The following NRXN3 variants were observed in gnomAD, a reference collection of about 807,000 sequenced individuals.
NRXN3 encodes the protein neurexin III.
Under a neutral mutation model 137.6 loss-of-function variants are expected in NRXN3, and 32 were observed. That is an observed-to-expected ratio of 0.23 (90% CI 0.18 to 0.31). The LOEUF is 0.31. NRXN3 is among the 10% of genes least tolerant of loss of function. The pLI, the probability that NRXN3 is intolerant of heterozygous loss-of-function variation, is 1.00. For synonymous variants in NRXN3, 798 were observed against 784.5 expected, an observed-to-expected ratio of 1.02 and a Z score of -0.29; for missense variants, 1,574 against 2,062.5, an observed-to-expected ratio of 0.76 and a Z score of 4.59.
chr14:79,265,366 C>T (rs2078307565), intron 15 of NRXN3, among the ~76,000 whole-genome samples: 1 of 151,622 alleles, frequency 6.6e-6, no homozygotes, highest in Non-Finnish European at 1.5e-5. Context: ...CCCCCAGTGC[C>T]ACATATAGTA....
At chr14:78,725,431 T>C (rs2098478592) in intron 8 of NRXN3, among the ~76,000 whole-genome samples, 1 of 152,260 alleles carries the variant, frequency 6.6e-6, no homozygotes, top group African/African-American at 2.4e-5. Context: ...TCATCATTCC[T>C]GTAGTAGCTC....
At chr14:79,055,187 T>G (rs1391747275) in intron 15 of NRXN3, among the ~76,000 whole-genome samples, 1 of 152,126 alleles carries the variant, frequency 6.6e-6, no homozygotes, top group African/African-American at 2.4e-5. Context: ...TTTTTCACCT[T>G]CTCTCTCAGT....
chr14:78,586,843 A>G (rs1256651689), intron 4 of NRXN3, among the ~76,000 whole-genome samples: 1 of 152,248 alleles, frequency 6.6e-6, no homozygotes, highest in Non-Finnish European at 1.5e-5. Flanking sequence ...TGAGATTACT[A>G]ATGTCAACAC....
chr14:79,451,791 G>A (rs1473271015), intron 15 of NRXN3, among the ~76,000 whole-genome samples: 1 of 152,218 alleles, frequency 6.6e-6, no homozygotes, highest in Non-Finnish European at 1.5e-5. Flanking sequence ...TGGTTTAAGA[G>A]AGATTAAAAG....
At chr14:78,553,584 AT>A (rs1188527016) in intron 4 of NRXN3, among the ~76,000 whole-genome samples, 1 of 152,196 alleles carries the variant, frequency 6.6e-6, no homozygotes, top group East Asian at 1.9e-4. Flanking sequence ...TTATTCATAC[AT>A]GGGACACTTG....
intron 16 of NRXN3, among the ~76,000 whole-genome samples, chr14:79,480,425 T>C (rs1257469273): frequency 6.6e-6 from 1 of 152,092 alleles, no homozygotes; most frequent in African/African-American, 2.4e-5. Context: ...CTAAATACCA[T>C]GAATGCACAA....
intron 4 of NRXN3, among the ~76,000 whole-genome samples, chr14:78,537,214 C>G (rs1011591174): frequency 6.6e-6 from 1 of 152,196 alleles, no homozygotes; most frequent in African/African-American, 2.4e-5. Flanking sequence ...CTAATTTACA[C>G]TCCCACCAAC....
At chr14:79,017,399 T>C (rs1303169728) in intron 15 of NRXN3, among the ~76,000 whole-genome samples, 1 of 151,792 alleles carries the variant, frequency 6.6e-6, no homozygotes, top group Non-Finnish European at 1.5e-5. Context: ...CCCTCCCTCA[T>C]AGTTTTTCAT....
In NRXN3 at chr14:79,002,907, A is replaced by C. The variant is rs2099544695; in HGVS notation, c.3262+14766A>C. 2.0e-5 allele frequency among the ~76,000 whole-genome samples: 3 copies of C among 152,166 alleles called. No homozygotes were observed. The South Asian group carries it at 6.2e-4, about 32-fold the overall frequency. ...GTGTTTTGATAAGTCCGTATAATTT[A>C]ATTAGAAACCTAAGTAGGTTTTGGA... On this transcript the variant is annotated intron_variant, in intron 15 of 20. Transcript: ENST00000335750.
intron 4 of NRXN3, among the ~76,000 whole-genome samples, chr14:78,487,920 C>T (rs778744179): frequency 6.6e-6 from 1 of 151,756 alleles, no homozygotes; most frequent in East Asian, 2.0e-4. Context: ...CCCTATTTTT[C>T]ACAGGGTGTA....
At chr14:78,728,683 G>T (rs1165414060) in intron 8 of NRXN3, among the ~76,000 whole-genome samples, 1 of 152,034 alleles carries the variant, frequency 6.6e-6, no homozygotes, top group Admixed American at 6.6e-5. Flanking sequence ...GGATCACGAG[G>T]TCATGAGTTC....
intron 4 of NRXN3, among the ~76,000 whole-genome samples, chr14:78,576,907 G>C (rs977627326): frequency 1.3e-5 from 2 of 152,140 alleles, no homozygotes; most frequent in Non-Finnish European, 2.9e-5. Flanking sequence ...AATGGTATAA[G>C]ACTTCCTGGC....
intron 15 of NRXN3, among the ~76,000 whole-genome samples, chr14:79,021,952 A>C (rs978992085): frequency 6.6e-6 from 1 of 152,154 alleles, no homozygotes; most frequent in East Asian, 1.9e-4. Flanking sequence ...TAAACTCACA[A>C]CAATCCCAGT....
chr14:79,465,971 C>CT (rs2096416616), intron 15 of NRXN3, among the ~76,000 whole-genome samples: 1 of 152,170 alleles, frequency 6.6e-6, no homozygotes, highest in Non-Finnish European at 1.5e-5. Flanking sequence ...TTGAAATGTA[C>CT]TTTTTATAAT....
intron 4 of NRXN3, among the ~76,000 whole-genome samples, chr14:78,325,666 G>A (rs1250163937): frequency 1.3e-5 from 2 of 151,866 alleles, no homozygotes; most frequent in Admixed American, 6.6e-5. Flanking sequence ...AAAAAGCATA[G>A]GGTGTAAAAA....
intron 16 of NRXN3, among the ~76,000 whole-genome samples, chr14:79,474,337 G>T (rs1019000435): frequency 1.3e-5 from 2 of 152,154 alleles, no homozygotes. Flanking sequence ...AATAAAATGG[G>T]TGCTGTAGAG....
chr14:79,824,221 C>T (rs1020218477), intron 20 of NRXN3, among the ~76,000 whole-genome samples: 4 of 152,158 alleles, frequency 2.6e-5, no homozygotes, highest in African/African-American at 9.7e-5. Flanking sequence ...TCTGTCTCTC[C>T]CTCGATAGGA....
At chr14:78,495,503 T>C (rs922060825) in intron 4 of NRXN3, among the ~76,000 whole-genome samples, 27 of 152,092 alleles carry the variant, frequency 1.8e-4, no homozygotes, top group African/African-American at 6.3e-4. Flanking sequence ...TTACACTAAT[T>C]TGCTTGAATA....
chr14:79,849,613 C>T (rs138255509), intron 20 of NRXN3, among the ~76,000 whole-genome samples: 12 of 152,102 alleles, frequency 7.9e-5, no homozygotes, highest in South Asian at 2.1e-4. Flanking sequence ...CAACATGTGT[C>T]GATGAGAGTG....
Sources: gnomAD v4.1 joint callset for allele counts (sites outside exome capture counted in the v4.1 genomes callset) on GRCh38, gnomAD v4.1.1 for gene constraint, MANE v1.5 for transcripts, NCBI Gene and HGNC (gene_info 2026-07-23, HGNC 2026-07-21) for gene names.